Variants in PPP2R2C observed in about 807,000 individuals in gnomAD.
PPP2R2C encodes the protein protein phosphatase 2 regulatory subunit Bgamma.
Under a neutral mutation model 45.3 loss-of-function variants are expected in PPP2R2C, and 10 were observed. That is an observed-to-expected ratio of 0.22 (90% CI 0.14 to 0.37). PPP2R2C has a LOEUF of 0.37. Among genes scored for constraint, PPP2R2C ranks in the 10% least tolerant of loss-of-function variants. The probability of loss-of-function intolerance (pLI) is 1.00; values close to 1 mark genes in which losing one functional copy is unlikely to be tolerated. For missense variants in PPP2R2C, 308 were observed against 619.7 expected (o/e 0.50, Z 5.34); for synonymous variants, 257 against 245.4 (o/e 1.05, Z -0.44).
chr4:6,522,327 G>A (rs76208540), intron 2 of PPP2R2C, among the ~76,000 whole-genome samples: 5,279 of 152,316 alleles, frequency 0.035, 217 homozygotes, highest in East Asian at 0.13. Context: ...AACCCCAGCC[G>A]TGCTGGGAGC....
chr4:6,323,268 A>T lies in PPP2R2C; in HGVS notation c.*34T>A. On this transcript the variant is annotated 3_prime_UTR_variant, in exon 9 of 9. Transcript: ENST00000382599. ...GGTCATGTCGGGGATGACTTGCATGAGGCTGGGTGGCAGGGGCCGGGAACT... is the reference window on the plus strand; with the variant it reads ...GGTCATGTCGGGGATGACTTGCATGTGGCTGGGTGGCAGGGGCCGGGAACT... The T allele has an allele frequency of 6.4e-7, 1 of 1,559,256 alleles. No individual in the cohort carries two copies. The highest frequency in any genetic ancestry group is 1.2e-5 in the South Asian group (1 of 82,962).
chr4:6,386,980 A>T (rs913405306), intron 1 of PPP2R2C, among the ~76,000 whole-genome samples: 3 of 152,154 alleles, frequency 2.0e-5, no homozygotes, highest in African/African-American at 7.2e-5. Context: ...GAAATTGCTT[A>T]ACAGAAAGTC....
chr4:6,326,873 G>A (rs567967209), intron 8 of PPP2R2C, among the ~76,000 whole-genome samples: 72 of 152,328 alleles, frequency 4.7e-4, no homozygotes, highest in Non-Finnish European at 1.3e-4. Flanking sequence ...TCTGCGGGCC[G>A]GACCAACTGT....
chr4:6,557,291 TACA>T (rs1009293489), intron 1 of PPP2R2C, among the ~76,000 whole-genome samples: 23 of 152,034 alleles, frequency 1.5e-4, no homozygotes, highest in African/African-American at 5.1e-4. Context: ...CAACAACATC[TACA>T]ACAACAGGAA....
intron 1 of PPP2R2C, among the ~76,000 whole-genome samples, chr4:6,437,199 T>C (rs1431260041): frequency 6.6e-6 from 1 of 152,228 alleles, no homozygotes; most frequent in Non-Finnish European, 1.5e-5. Flanking sequence ...GATATGACCT[T>C]CCTGGTTTCT....
chr4:6,563,740 T>G (rs1725659821), upstream of PPP2R2C: 1 of 139,852 alleles, frequency 7.2e-6, no homozygotes, highest in South Asian at 1.9e-4. The surrounding 1 kb of genome is among the most constrained non-coding windows in gnomAD (Gnocchi z 5.8). Flanking sequence ...CTAACCCGGC[T>G]GCTGGGCCAT....
chr4:6,354,392 G>A (rs956460423), intron 5 of PPP2R2C, among the ~76,000 whole-genome samples: 50 of 152,180 alleles, frequency 3.3e-4, no homozygotes, highest in African/African-American at 1.1e-3. Context: ...GGCCTTACCC[G>A]TCTGCTCATC....
At chr4:6,384,964 G>T (rs987326335) in intron 1 of PPP2R2C, 1 of 579,116 alleles carries the variant, frequency 1.7e-6, no homozygotes, top group Non-Finnish European at 2.2e-6. Flanking sequence ...GTGTGCTTAT[G>T]GTGGAGCCTT....
At chr4:6,422,270 C>G (rs1309889045) in intron 1 of PPP2R2C, among the ~76,000 whole-genome samples, 1 of 152,134 alleles carries the variant, frequency 6.6e-6, no homozygotes, top group Non-Finnish European at 1.5e-5. Context: ...TGCGTGAGAC[C>G]AAGGCAGACG....
At chr4:6,452,518 T>C (rs950156354) in intron 1 of PPP2R2C, among the ~76,000 whole-genome samples, 3 of 152,172 alleles carry the variant, frequency 2.0e-5, no homozygotes, top group African/African-American at 7.2e-5. Flanking sequence ...AGAGTCCCCA[T>C]TTCACAGAAG....
intron 1 of PPP2R2C, among the ~76,000 whole-genome samples, chr4:6,409,917 G>A (rs970848294): frequency 1.3e-5 from 2 of 152,176 alleles, no homozygotes; most frequent in Admixed American, 1.3e-4. Context: ...GTGGATGAAA[G>A]TTCCATTTTC....
At chr4:6,421,483 T>C (rs1381131243) in intron 1 of PPP2R2C, among the ~76,000 whole-genome samples, 1 of 152,156 alleles carries the variant, frequency 6.6e-6, no homozygotes, top group Non-Finnish European at 1.5e-5. Context: ...GTTTGTGGAT[T>C]ACCCGGAAGT....
chr4:6,490,717 T>C (rs1722677369), intron 2 of PPP2R2C, among the ~76,000 whole-genome samples: 1 of 152,134 alleles, frequency 6.6e-6, no homozygotes, highest in African/African-American at 2.4e-5. Flanking sequence ...GGCACAGTGT[T>C]AGGGAAGCTC....
chr4:6,520,098 T>A (rs1723965902), intron 2 of PPP2R2C, among the ~76,000 whole-genome samples: 2 of 152,020 alleles, frequency 1.3e-5, no homozygotes, highest in Admixed American at 6.5e-5. Flanking sequence ...AGGGACAGGA[T>A]CAGATTCATA....
chr4:6,409,689 C>A lies in PPP2R2C; in HGVS notation c.71-28595G>T, dbSNP rs558119367. 9.2e-4 allele frequency among the ~76,000 whole-genome samples: 140 copies of A among 152,300 alleles called. 1 individual carries two copies. Among genetic ancestry groups the A allele is most frequent in the African/African-American group, 3.3e-3 (137 of 41,554 alleles). On this transcript the variant is annotated intron_variant, in intron 1 of 8. Coordinates refer to ENST00000382599, the MANE Select transcript of PPP2R2C (RefSeq NM_020416.4). ...CACAGATCAGAGGCTGCCACCCCCC[C>A]ATATCCCAGCCCTGGAGACACTAAG...
chr4:6,339,215 G>A (rs1284699674), intron 6 of PPP2R2C, among the ~76,000 whole-genome samples: 2 of 152,246 alleles, frequency 1.3e-5, no homozygotes, highest in African/African-American at 4.8e-5. Flanking sequence ...CTGTGGCACT[G>A]GCAGGAGGGC....
At chr4:6,441,768 CCA>C (rs1022612275) in intron 1 of PPP2R2C, among the ~76,000 whole-genome samples, 4 of 152,162 alleles carry the variant, frequency 2.6e-5, no homozygotes, top group African/African-American at 9.7e-5. Flanking sequence ...TGGGGCCCAG[CCA>C]CACACATGCA....
At chr4:6,452,355 A>G (rs796627027) in intron 1 of PPP2R2C, among the ~76,000 whole-genome samples, 26 of 152,228 alleles carry the variant, frequency 1.7e-4, no homozygotes, top group African/African-American at 6.3e-4. Flanking sequence ...GGCCCACCCC[A>G]GTCCACCCTC....
rs1731631765 is a variant in PPP2R2C, at chr4:6,322,801, C to G, written c.*501G>C. On this transcript the variant is annotated 3_prime_UTR_variant, in exon 9 of 9. Coordinates refer to ENST00000382599, the MANE Select transcript of PPP2R2C (RefSeq NM_020416.4). The surrounding 1 kb of genome is among the most constrained non-coding windows in gnomAD (Gnocchi z 7.8). ...CAGGGCGAATTGCCCCATTTATAAC[C>G]AAAAGAACCCCTGGCTGGCTCGTTT... 6.6e-6 allele frequency: 1 copy of G among 152,620 alleles called. No individual in the cohort carries two copies. Among genetic ancestry groups the G allele is most frequent in the Non-Finnish European group, 1.5e-5 (1 of 68,384 alleles). The allele number at this position is 152,620 out of a possible 1,614,324, so 9.5% of individuals were successfully genotyped here.
Sources: gnomAD v4.1 joint callset for allele counts (sites outside exome capture counted in the v4.1 genomes callset) on GRCh38, gnomAD v4.1.1 for gene constraint, Gnocchi (gnomAD v3.1) non-coding constraint, MANE v1.5 for transcripts, NCBI Gene and HGNC (gene_info 2026-07-23, HGNC 2026-07-21) for gene names.